The following SHISA3 variants were observed in gnomAD, a reference collection of about 807,000 sequenced individuals.
The protein encoded by SHISA3 is protein shisa-3 homolog.
SHISA3 carries 15 observed loss-of-function variants against 19.2 expected under a neutral mutation model. That is an observed-to-expected ratio of 0.78 (90% CI 0.52 to 1.20). The LOEUF is 1.20. SHISA3 is among the 50% of genes most tolerant of loss of function. SHISA3 has a pLI of 0.00. For synonymous variants in SHISA3, 145 were observed against 135.2 expected (o/e 1.07, Z -0.50); for missense variants, 327 against 315.7 (o/e 1.04, Z -0.27).
Position 42,401,511 on chromosome 4 carries a change from C to A in SHISA3, c.*60C>A. 1 of 1,494,562 alleles carries A rather than the reference C, an allele frequency of 6.7e-7. No individual in the cohort carries two copies. Among genetic ancestry groups the A allele is most frequent in the Non-Finnish European group, 9.0e-7 (1 of 1,113,192 alleles). The allele number at this position is 1,494,562 out of a possible 1,614,324, so 92.6% of individuals were successfully genotyped here. On this transcript the variant is annotated 3_prime_UTR_variant, in exon 2 of 2. Transcript: ENST00000319234. ...TGGCAGACAGGTGGAGCCCTGCTCC[C>A]ATTGCCACATGCAATTCTGAGAAAA... is the stretch of plus-strand genomic sequence containing the variant.
chr4:42,401,299 G>A lies in SHISA3; in HGVS notation c.565G>A (p.Val189Met). 1 of 1,614,134 alleles carries A rather than the reference G, an allele frequency of 6.2e-7. No individual in the cohort carries two copies. The highest frequency in any genetic ancestry group is 8.5e-7 in the Non-Finnish European group (1 of 1,180,008). The change falls in exon 2 of 2, where the codon GTG (valine) becomes ATG (methionine). Residue 189 changes from valine (V) to methionine (M), a missense_variant. Val to Met is a conservative substitution (Grantham distance 21, BLOSUM62 1). Coordinates refer to ENST00000319234, the MANE Select transcript of SHISA3 (RefSeq NM_001080505.3). ...TGCCAGGGCTGAGCCGGGCTGCCTG[G>A]TGCCCTCACCGCCCCCGCCATACAC... Reference protein sequence around the residue: ...SFARAEPGCLVPSPPPPYTTS... With the variant: ...SFARAEPGCLMPSPPPPYTTS...
Position 42,401,613 on chromosome 4 carries a change from C to T in SHISA3, c.*162C>T, listed in dbSNP as rs1473624871. The T allele has an allele frequency of 4.2e-6, 3 of 717,460 alleles. No homozygotes were observed. Among genetic ancestry groups the T allele is most frequent in the South Asian group, 2.5e-5 (1 of 39,882 alleles). The allele number at this position is 717,460 out of a possible 1,614,324, so 44.4% of individuals were successfully genotyped here. On this transcript the variant is annotated 3_prime_UTR_variant, in exon 2 of 2. Transcript: ENST00000319234. The stretch of plus-strand genomic sequence containing the variant: ...CACCTTCTAATTTGAAAGTTCCTGT[C>T]TCCAATCACAGAAAGGCTAAACCAG...
In SHISA3 at chr4:42,397,646, G is replaced by A. The variant is rs1338267528; in HGVS notation, c.-411G>A. On this transcript the variant is annotated 5_prime_UTR_variant, in exon 1 of 2. Coordinates refer to ENST00000319234, the MANE Select transcript of SHISA3 (RefSeq NM_001080505.3). ...CTCTCGGGACCCGGCGATCGCCACA[G>A]GTTGGGACTCTGTGCGGCGCTGGAG... 6.6e-6 allele frequency among the ~76,000 whole-genome samples: 1 copy of A among 152,146 alleles called. No homozygotes were observed. Among genetic ancestry groups the A allele is most frequent in the African/African-American group, 2.4e-5 (1 of 41,446 alleles).
rs577554236 is a variant in SHISA3, at chr4:42,398,723, C to T, written c.277+390C>T. 2.6e-5 allele frequency among the ~76,000 whole-genome samples: 4 copies of T among 152,290 alleles called. No homozygotes were observed. In the East Asian group the frequency reaches 7.7e-4, roughly 29 times the overall value. The stretch of plus-strand genomic sequence containing the variant: ...GGGGCCGAGGGTGTCCCATTGCTCG[C>T]CCTTGTCACTTCGGGAGCTTCGGGA... On this transcript the variant is annotated intron_variant, in intron 1 of 1. Transcript: ENST00000319234.
At chr4:42,399,569 C>G (rs1374609287) in intron 1 of SHISA3, among the ~76,000 whole-genome samples, 1 of 152,214 alleles carries the variant, frequency 6.6e-6, no homozygotes, top group Non-Finnish European at 1.5e-5. Flanking sequence ...GTCTGCAGCA[C>G]GGGCTTCCTC....
intron 1 of SHISA3, among the ~76,000 whole-genome samples, chr4:42,399,935 A>G (rs1475630313): frequency 6.6e-6 from 1 of 152,200 alleles, no homozygotes; most frequent in Non-Finnish European, 1.5e-5. Context: ...CAAATAATTG[A>G]TAGTTACCTG....
intron 1 of SHISA3, among the ~76,000 whole-genome samples, chr4:42,400,002 C>T (rs995870453): frequency 2.8e-4 from 42 of 152,216 alleles, no homozygotes; most frequent in Admixed American, 2.0e-4. Context: ...ATTTCCACAT[C>T]TGGAAAATGG....
intron 1 of SHISA3, 136 bp downstream of exon 1, chr4:42,398,469 G>T: frequency 2.0e-6 from 2 of 987,182 alleles, no homozygotes; most frequent in Non-Finnish European, 2.9e-6. Context: ...GCGGCCGGGT[G>T]GGGGAATCAA....
At position 42,397,729 on chromosome 4, in the gene SHISA3, G is replaced by A. The variant is rs1372577553; in HGVS notation, c.-328G>A. ...GAGTGGGGAGGGAGGTGGCCGGGGG[G>A]TTGGCGCGCCCCTCGCGCGGGGAGC... On this transcript the variant is annotated 5_prime_UTR_variant, in exon 1 of 2. Transcript: ENST00000319234. 4 of 306,776 alleles carry A rather than the reference G, an allele frequency of 1.3e-5. No individual in the cohort carries two copies. The highest frequency in any genetic ancestry group is 8.9e-4 in the Middle Eastern group (1 of 1,124). The allele number at this position is 306,776 out of a possible 1,614,324, so 19.0% of individuals were successfully genotyped here. A position where few individuals can be genotyped will look rare whatever the true frequency, so the allele number is the denominator to read the frequency against.
At position 42,401,175 on chromosome 4, in the gene SHISA3, C is replaced by T; in HGVS notation, c.441C>T (p.Pro147=). ...GCAGCTATCAGACAGAGACCCTGCC[C>T]ATGATCCTGACCTCCACCAGCCCCA... The part of the protein sequence containing the change: ...SLRSYQTETL[P]MILTSTSPRA... The change falls in exon 2 of 2, where the codon CCC becomes CCT. Residue 147 remains proline (P), a synonymous_variant. Coordinates refer to ENST00000319234, the MANE Select transcript of SHISA3 (RefSeq NM_001080505.3). 6.2e-7 allele frequency: 1 copy of T among 1,614,244 alleles called. No homozygotes were observed. The highest frequency in any genetic ancestry group is 1.3e-5 in the African/African-American group (1 of 75,058).
Position 42,398,322 on chromosome 4 carries a change from G to T in SHISA3, c.266G>T (p.Gly89Val). 1.3e-6 allele frequency: 2 copies of T among 1,554,620 alleles called. No homozygotes were observed. The highest frequency in any genetic ancestry group is 1.7e-6 in the Non-Finnish European group (2 of 1,151,882). Reference sequence around the variant, plus strand: ...GACCGCCGCGAACTGGAGCACCCAGGCATCACTGCGCGTAAGTGCGGGGCC... The same window carrying T: ...GACCGCCGCGAACTGGAGCACCCAGTCATCACTGCGCGTAAGTGCGGGGCC... Reference protein sequence around the residue: ...TNDRRELEHPGITAQPVYVPF... With the variant: ...TNDRRELEHPVITAQPVYVPF... Residue 89 changes from glycine to valine, a missense_variant, in exon 1 of 2, where the codon GGC becomes GTC. By Grantham distance (109) the Gly-to-Val change is moderately radical (BLOSUM62 -3). Transcript: ENST00000319234.
At position 42,398,220 on chromosome 4, in the gene SHISA3, T is replaced by C; in HGVS notation, c.164T>C (p.Ile55Thr). Residue 55 changes from isoleucine to threonine, a missense_variant, in exon 1 of 2, where the codon ATC (isoleucine) becomes ACC (threonine). By Grantham distance (89) the Ile-to-Thr change is moderately conservative. Coordinates refer to ENST00000319234, the MANE Select transcript of SHISA3 (RefSeq NM_001080505.3). ...GACTTCGACACGCTGGACGCTACCATCTGCTGCGGCTCCTGCGCGCTCCGC... is the reference window on the plus strand; with the variant it reads ...GACTTCGACACGCTGGACGCTACCACCTGCTGCGGCTCCTGCGCGCTCCGC... The part of the protein sequence containing the change: ...PEDFDTLDAT[I>T]CCGSCALRYC... The C allele has an allele frequency of 6.3e-7, 1 of 1,595,960 alleles. No individual in the cohort carries two copies. Among genetic ancestry groups the C allele is most frequent in the Non-Finnish European group, 8.5e-7 (1 of 1,171,602 alleles).
chr4:42,402,485 C>G lies in SHISA3; in HGVS notation c.*1034C>G, dbSNP rs1711951590. Reference sequence around the variant, plus strand: ...AAAACACTTTATATTTTCATGAACTCTATTTAAATTTTAATGTGATTCATT... The same window carrying G: ...AAAACACTTTATATTTTCATGAACTGTATTTAAATTTTAATGTGATTCATT... On this transcript the variant is annotated 3_prime_UTR_variant, in exon 2 of 2. Transcript: ENST00000319234. The G allele has an allele frequency of 6.6e-6, 1 of 151,888 alleles. No homozygotes were observed. The highest frequency in any genetic ancestry group is 1.5e-5 in the Non-Finnish European group (1 of 67,980). 9.4% of individuals were successfully genotyped at this position (151,888 alleles called of 1,614,324 possible).
intron 1 of SHISA3, among the ~76,000 whole-genome samples, chr4:42,400,743 T>C (rs934824723): frequency 6.6e-6 from 1 of 152,102 alleles, no homozygotes; most frequent in Non-Finnish European, 1.5e-5. Flanking sequence ...TTTTTTTTTC[T>C]GACTTCCAGA....
chr4:42,401,752 T>G lies in SHISA3; in HGVS notation c.*301T>G. ...AGTTGCAAACTGGCTAAAAACGTTTTACTGGACATTCAGCTATATTGCTTA... is the reference window on the plus strand; with the variant it reads ...AGTTGCAAACTGGCTAAAAACGTTTGACTGGACATTCAGCTATATTGCTTA... On this transcript the variant is annotated 3_prime_UTR_variant, in exon 2 of 2. Transcript: ENST00000319234. 1.3e-5 allele frequency: 4 copies of G among 303,756 alleles called. No individual in the cohort carries two copies. The highest frequency in any genetic ancestry group is 1.8e-5 in the Non-Finnish European group (3 of 164,934). 18.8% of individuals were successfully genotyped at this position (303,756 alleles called of 1,614,324 possible).
At position 42,398,239 on chromosome 4, in the gene SHISA3, G is replaced by A. The variant is rs1164124127; in HGVS notation, c.183G>A (p.Ala61=). 21 of 1,582,408 alleles carry A rather than the reference G, an allele frequency of 1.3e-5. No individual in the cohort carries two copies. The highest frequency in any genetic ancestry group is 1.8e-5 in the Non-Finnish European group (21 of 1,164,828). ...LDATICCGSC[A]LRYCCAAADA... is the part of the protein sequence containing the mutation. ...CTACCATCTGCTGCGGCTCCTGCGC[G>A]CTCCGCTACTGTTGCGCCGCGGCCG... The change falls in exon 1 of 2, where the codon GCG becomes GCA. Residue 61 remains alanine (A), a synonymous_variant. Transcript: ENST00000319234.
At chr4:42,398,389 T>C in intron 1 of SHISA3, 56 bp downstream of exon 1, 2 of 1,469,992 alleles carry the variant, frequency 1.4e-6, no homozygotes, top group Non-Finnish European at 1.8e-6. Context: ...GGCGGCTGCA[T>C]GTGTGCGCGG....
In SHISA3 at chr4:42,398,324, A is replaced by C. The variant is rs752291659; in HGVS notation, c.268A>C (p.Ile90Leu). 6 of 1,554,914 alleles carry C rather than the reference A, an allele frequency of 3.9e-6. No individual in the cohort carries two copies. The South Asian group carries it at 7.1e-5, about 18-fold the overall frequency. Residue 90 changes from isoleucine (I) to leucine (L), a missense_variant, in exon 1 of 2, where the codon ATC (isoleucine) becomes CTC (leucine). Physicochemically the swap from Ile to Leu is conservative, Grantham distance 5. Coordinates refer to ENST00000319234, the MANE Select transcript of SHISA3 (RefSeq NM_001080505.3). ...NDRRELEHPG[I>L]TAQPVYVPFL... ...CCGCCGCGAACTGGAGCACCCAGGCATCACTGCGCGTAAGTGCGGGGCCCT... is the reference window on the plus strand; with the variant it reads ...CCGCCGCGAACTGGAGCACCCAGGCCTCACTGCGCGTAAGTGCGGGGCCCT...
Position 42,401,676 on chromosome 4 carries a change from CA to C in SHISA3, c.*226del. On this transcript the variant is annotated 3_prime_UTR_variant, in exon 2 of 2. Coordinates refer to ENST00000319234, the MANE Select transcript of SHISA3 (RefSeq NM_001080505.3). ...TGGTTTTGCAAACATGTGATCATTA[CA>C]TTTCAATCTATGCTACTTTTATTCA... 2.0e-6 allele frequency: 1 copy of C among 498,808 alleles called. No individual in the cohort carries two copies. The highest frequency in any genetic ancestry group is 4.6e-5 in the South Asian group (1 of 21,856). 30.9% of individuals were successfully genotyped at this position (498,808 alleles called of 1,614,324 possible). A position where few individuals can be genotyped will look rare whatever the true frequency, so the allele number is the denominator to read the frequency against.
Sources: allele counts gnomAD v4.1 joint callset (sites outside exome capture counted in the v4.1 genomes callset), GRCh38; gene constraint gnomAD v4.1.1; transcripts MANE v1.5; gene names NCBI Gene and HGNC (gene_info 2026-07-23, HGNC 2026-07-21).